The following HGS variants were observed in gnomAD, a reference collection of about 807,000 sequenced individuals.
HGS encodes the protein hepatocyte growth factor-regulated tyrosine kinase substrate.
HGS carries 63 observed loss-of-function variants against 109.7 expected under a neutral mutation model. That is an observed-to-expected ratio of 0.57 (90% CI 0.47 to 0.71). The LOEUF is 0.71. HGS is among the 30% of genes least tolerant of loss of function. The pLI, the probability that HGS is intolerant of heterozygous loss-of-function variation, is 0.00. For missense variants in HGS, 995 were observed against 1,068.3 expected, an observed-to-expected ratio of 0.93 and a Z score of 0.96; for synonymous variants, 546 against 437.3, an observed-to-expected ratio of 1.25 and a Z score of -3.10.
chr17:81,685,938 C>CT (rs113922227), intron 2 of HGS, among the ~76,000 whole-genome samples: 5,280 of 149,928 alleles, frequency 0.035, 321 homozygotes, highest in African/African-American at 0.12. Flanking sequence ...GGCAGACAGA[C>CT]TTTTTTTTTT....
chr17:81,700,876 G>A (rs2037227127), intron 20 of HGS, 62 bp downstream of exon 20: 1 of 1,583,118 alleles, frequency 6.3e-7, no homozygotes, highest in South Asian at 1.1e-5. Context: ...GATGCTGAGG[G>A]TCCTTTGGTG....
chr17:81,700,758 A>G lies in HGS; in HGVS notation c.2080A>G (p.Met694Val). Residue 694 changes from methionine (M) to valine (V), a missense_variant, in exon 20 of 22, where the codon ATG (methionine) becomes GTG (valine). By Grantham distance (21) the Met-to-Val change is conservative. This residue lies in a region of HGS where 326 missense variants were observed against 309.7 expected (regional missense o/e 1.05). Coordinates refer to ENST00000329138, the MANE Select transcript of HGS (RefSeq NM_004712.5). Reference protein sequence around the residue: ...AISQPPQSSTMGYMGSQSVSM... With the variant: ...AISQPPQSSTVGYMGSQSVSM... ...CTCTCAGCCTCCGCAGTCCAGCACCATGGGCTACATGGGGAGCCAGTCAGT... is the reference window on the plus strand; with the variant it reads ...CTCTCAGCCTCCGCAGTCCAGCACCGTGGGCTACATGGGGAGCCAGTCAGT... The G allele has an allele frequency of 6.2e-7, 1 of 1,611,586 alleles. No homozygotes were observed. Among genetic ancestry groups the G allele is most frequent in the Non-Finnish European group, 8.5e-7 (1 of 1,179,518 alleles).
intron 8 of HGS, 46 bp from the exon 9 acceptor site, chr17:81,693,457 G>GGCGGTGTCAGC (rs768284297): frequency 6.9e-7 from 1 of 1,438,888 alleles, no homozygotes. Flanking sequence ...GCGGGGGCAG[G>GGCGGTGTCAGC]GCGGTGTCAG....
intron 18 of HGS, 82 bp from the exon 19 acceptor site, chr17:81,700,385 A>AAT: frequency 7.5e-7 from 1 of 1,337,896 alleles, no homozygotes; most frequent in Non-Finnish European, 1.0e-6. Flanking sequence ...AAAAAAAAAA[A>AAT]GTAAAACTCA....
At position 81,702,002 on chromosome 17, in the gene HGS, C is replaced by T. The variant is rs539859288; in HGVS notation, c.*384C>T. Reference sequence around the variant, plus strand: ...TGGCCTGGGGCTCCCTCTGCAGGGGCCTCTCTCGGCAGCCACAGCCAAGGG... The same window carrying T: ...TGGCCTGGGGCTCCCTCTGCAGGGGTCTCTCTCGGCAGCCACAGCCAAGGG... On this transcript the variant is annotated 3_prime_UTR_variant, in exon 22 of 22. Coordinates refer to ENST00000329138, the MANE Select transcript of HGS (RefSeq NM_004712.5). The T allele has an allele frequency of 3.0e-4, 57 of 187,250 alleles. No homozygotes were observed. Among genetic ancestry groups the T allele is most frequent in the African/African-American group, 1.2e-3 (53 of 42,882 alleles). 11.6% of individuals were successfully genotyped at this position (187,250 alleles called of 1,614,324 possible). A position where few individuals can be genotyped will look rare whatever the true frequency, so the allele number is the denominator to read the frequency against.
chr17:81,685,469 TTC>T (rs1193371624), intron 1 of HGS, 134 bp from the exon 2 acceptor site: 5 of 582,926 alleles, frequency 8.6e-6, no homozygotes, highest in Admixed American at 3.3e-5. Context: ...CTCAGGAGGA[TTC>T]TGTCATGCTT....
chr17:81,701,679 C>CT lies in HGS; in HGVS notation c.*62dup. ...ACAGTTCACCTGAAACGCCTCGTCT[C>CT]TAACTGCCGTCGTCCTGCCTCCCTG... is the stretch of plus-strand genomic sequence containing the variant. On this transcript the variant is annotated 3_prime_UTR_variant, in exon 22 of 22. Transcript: ENST00000329138. The CT allele has an allele frequency of 2.0e-6, 3 of 1,507,574 alleles. No individual in the cohort carries two copies. The highest frequency in any genetic ancestry group is 2.7e-6 in the Non-Finnish European group (3 of 1,124,576). 93.4% of individuals were successfully genotyped at this position (1,507,574 alleles called of 1,614,324 possible).
chr17:81,685,103 T>A, intron 1 of HGS: 3 of 981,914 alleles, frequency 3.1e-6, no homozygotes, highest in Middle Eastern at 5.2e-4. Context: ...AGCCCCGTTC[T>A]GCCCTTATTT....
At position 81,684,453 on chromosome 17, in the gene HGS, ACT is replaced by A. The variant is rs1290750064; in HGVS notation, c.37+352_37+353del. ...AAGGCCTGAGTCATGAAAGTGGGTG[ACT>A]CAGTCGGATGTTAGGCTCGCACTTG... On this transcript the variant is annotated intron_variant, in intron 1 of 21. Coordinates refer to ENST00000329138, the MANE Select transcript of HGS (RefSeq NM_004712.5). The A allele has an allele frequency of 3.6e-5, 9 of 252,570 alleles. No individual in the cohort carries two copies. The Admixed American group carries it at 5.0e-4, about 14-fold the overall frequency. 15.6% of individuals were successfully genotyped at this position (252,570 alleles called of 1,614,324 possible).
intron 6 of HGS, 149 bp from the exon 7 acceptor site, chr17:81,690,525 C>T (rs1246084689): frequency 9.7e-6 from 7 of 720,122 alleles, no homozygotes; most frequent in East Asian, 2.8e-5. Flanking sequence ...CCCCAGGCCA[C>T]GCCGCTGGGA....
Position 81,701,149 on chromosome 17 carries a change from C to T in HGS, c.2223+18C>T, listed in dbSNP as rs754019142. 84 of 1,607,290 alleles carry T rather than the reference C, an allele frequency of 5.2e-5. No homozygotes were observed. The East Asian group carries it at 1.3e-3, about 26-fold the overall frequency. On this transcript the variant is annotated intron_variant, in intron 21 of 21. Transcript: ENST00000329138. ...ACCAGCAGGTGAGCCATTCCCGGGGCCTCACAGCGGCACCCGCAGGGCACC... is the reference window on the plus strand; with the variant it reads ...ACCAGCAGGTGAGCCATTCCCGGGGTCTCACAGCGGCACCCGCAGGGCACC...
rs1598741546 is a variant in HGS at position 81,684,119 on chromosome 17, C to T, written c.37+16C>T. The T allele has an allele frequency of 6.4e-7, 1 of 1,567,876 alleles. No homozygotes were observed. The highest frequency in any genetic ancestry group is 8.6e-7 in the Non-Finnish European group (1 of 1,159,066). On this transcript the variant is annotated intron_variant, in intron 1 of 21. Coordinates refer to ENST00000329138, the MANE Select transcript of HGS (RefSeq NM_004712.5). ...CGTCTCCTAGGTAACGCGTCCCCAC[C>T]CGACGGCTCGGCCTTGGTCAGCCCG...
Position 81,693,663 on chromosome 17 carries a change from A to C in HGS, c.751A>C (p.Lys251Gln), listed in dbSNP as rs558699263. The stretch of plus-strand genomic sequence containing the variant: ...CCCCGCTTGTCCTCAGCTGCCCCCC[A>C]AGAGGGACGAGACGGCCCTGCAGGA... ...PLSQQSQLPP[K>Q]RDETALQEEE... Residue 251 changes from lysine to glutamine, a missense_variant, in exon 10 of 22, where the codon AAG becomes CAG. Around this residue, in one of 6 missense-constraint regions of HGS, gnomAD observed 300 missense variants for 235.4 expected, o/e 1.27. Transcript: ENST00000329138. 3.9e-6 allele frequency: 6 copies of C among 1,540,350 alleles called. No individual in the cohort carries two copies. The highest frequency in any genetic ancestry group is 2.4e-5 in the South Asian group (2 of 84,038).
chr17:81,701,399 G>C (rs990044102), intron 21 of HGS, 109 bp from the exon 22 acceptor site: 7 of 1,211,452 alleles, frequency 5.8e-6, no homozygotes, highest in Non-Finnish European at 6.8e-6. Context: ...GCAGTCCGTG[G>C]ACATGGATTA....
Position 81,700,318 on chromosome 17 carries a change from A to C in HGS, c.1883-149A>C, listed in dbSNP as rs549708144. 8.7e-4 allele frequency: 635 copies of C among 729,964 alleles called. 3 individuals are homozygous for C. In the African/African-American group the frequency reaches 0.011, roughly 12 times the overall value. 45.2% of individuals were successfully genotyped at this position (729,964 alleles called of 1,614,324 possible). ...CGGGAGGCAGAGGTTGCAGTGAGCC[A>C]GGATTGTGCCACTGCACTCCAGCCT... On this transcript the variant is annotated intron_variant, in intron 18 of 21. Coordinates refer to ENST00000329138, the MANE Select transcript of HGS (RefSeq NM_004712.5).
intron 4 of HGS, among the ~76,000 whole-genome samples, 161 bp from the exon 5 acceptor site, chr17:81,688,543 A>G (rs1186289621): frequency 6.6e-6 from 1 of 152,138 alleles, no homozygotes; most frequent in Admixed American, 6.5e-5. Context: ...GTCTGGGAAC[A>G]GGTTGGTGCA....
At chr17:81,700,337 C>G (rs2037215642) in intron 18 of HGS, 130 bp from the exon 19 acceptor site, 1 of 967,390 alleles carries the variant, frequency 1.0e-6, no homozygotes, top group Middle Eastern at 2.3e-4. Context: ...CCACTGCACT[C>G]CAGCCTGGTG....
Position 81,698,007 on chromosome 17 carries a change from T to TA in HGS, c.1882+1019dup, listed in dbSNP as rs1264698353. 101 of 147,138 alleles carry TA rather than the reference T, an allele frequency of 6.9e-4. No homozygotes were observed. The East Asian group carries it at 0.016, about 23-fold the overall frequency. 9.1% of individuals were successfully genotyped at this position (147,138 alleles called of 1,614,324 possible). ...GATTGCACCACCATGCCTGGCTAATTAAAAAAAAAAGGGCTGGGTGCGGTG... is the reference window on the plus strand; with the variant it reads ...GATTGCACCACCATGCCTGGCTAATTAAAAAAAAAAAGGGCTGGGTGCGGTG... On this transcript the variant is annotated intron_variant, in intron 18 of 21. Coordinates refer to ENST00000329138, the MANE Select transcript of HGS (RefSeq NM_004712.5).
chr17:81,687,347 G>C (rs573912159), intron 4 of HGS, among the ~76,000 whole-genome samples: 1 of 152,194 alleles, frequency 6.6e-6, no homozygotes, highest in Non-Finnish European at 1.5e-5. Flanking sequence ...AGGTGACAGC[G>C]ACCCTGGGGC....
Sources: gnomAD v4.1 joint callset for allele counts (sites outside exome capture counted in the v4.1 genomes callset) on GRCh38, gnomAD v4.1.1 for gene constraint, gnomAD v4.1.1 regional missense constraint, MANE v1.5 for transcripts, NCBI Gene and HGNC (gene_info 2026-07-23, HGNC 2026-07-21) for gene names.